Variants in THSD7B observed in about 807,000 individuals in gnomAD.
The protein encoded by THSD7B is thrombospondin type 1 domain containing 7B, also known as thrombospondin type-1 domain-containing protein 7B.
THSD7B carries 138 observed loss-of-function variants against 213.6 expected under a neutral mutation model. The observed-to-expected ratio is 0.65, with a 90% CI of 0.56 to 0.74. THSD7B has a LOEUF of 0.74. Ranked by LOEUF, THSD7B falls within the 30% of genes least tolerant of loss-of-function variation. The pLI, the probability that THSD7B is intolerant of heterozygous loss-of-function variation, is 0.00. For missense variants in THSD7B, 1,931 were observed against 1,991.5 expected (o/e 0.97, Z 0.58); for synonymous variants, 742 against 687.0 (o/e 1.08, Z -1.25).
chr2:137,096,459 G>A (rs1688041759), intron 4 of THSD7B, among the ~76,000 whole-genome samples: 1 of 152,100 alleles, frequency 6.6e-6, no homozygotes, highest in Admixed American at 6.6e-5. Context: ...CCACTTCCCA[G>A]TTGGAACTAG....
chr2:137,115,266 G>C lies in THSD7B; in HGVS notation c.1342G>C (p.Ala448Pro). ...GGTGTACTGTGCCCAGAGCGTACCA[G>C]CAGCTGCCGCACTGAGGGCCAAGGA... ...REVYCAQSVP[A>P]AAALRAKEVS... Residue 448 changes from alanine to proline, a missense_variant, in exon 5 of 28, where the codon GCA becomes CCA. Coordinates refer to ENST00000409968, the MANE Select transcript of THSD7B (RefSeq NM_001316349.2). The C allele has an allele frequency of 6.3e-7, 1 of 1,597,366 alleles. No homozygotes were observed. The highest frequency in any genetic ancestry group is 8.5e-7 in the Non-Finnish European group (1 of 1,172,392).
At chr2:137,221,876 T>C (rs1368558917) in intron 7 of THSD7B, among the ~76,000 whole-genome samples, 1 of 152,228 alleles carries the variant, frequency 6.6e-6, no homozygotes, top group Non-Finnish European at 1.5e-5. Flanking sequence ...AAGAAACTTC[T>C]AGATAATTTG....
At chr2:137,386,994 T>G (rs945276789) in intron 12 of THSD7B, among the ~76,000 whole-genome samples, 2 of 152,222 alleles carry the variant, frequency 1.3e-5, no homozygotes, top group African/African-American at 4.8e-5. Flanking sequence ...TTCTTTTTCA[T>G]GCTGCTAGAA....
intron 7 of THSD7B, among the ~76,000 whole-genome samples, chr2:137,222,931 C>G (rs1342612463): frequency 6.6e-6 from 1 of 152,160 alleles, no homozygotes; most frequent in African/African-American, 2.4e-5. Context: ...AGTCCCTGGC[C>G]TCTCTCATTC....
chr2:136,766,609 A>T (rs980075201), intron 1 of THSD7B, among the ~76,000 whole-genome samples: 4 of 152,214 alleles, frequency 2.6e-5, no homozygotes, highest in Non-Finnish European at 4.4e-5. Context: ...CTCTCACTCT[A>T]TCCCTTTTTA....
At chr2:137,611,054 C>T (rs1025060808) in intron 17 of THSD7B, among the ~76,000 whole-genome samples, 3 of 148,744 alleles carry the variant, frequency 2.0e-5, no homozygotes, top group East Asian at 2.0e-4. Context: ...TATAGCAAAA[C>T]GCACAAAAAA....
chr2:137,622,545 T>C (rs955498020), intron 20 of THSD7B, among the ~76,000 whole-genome samples: 2 of 152,076 alleles, frequency 1.3e-5, no homozygotes, highest in Admixed American at 6.6e-5. Context: ...CAGGAGCTTG[T>C]TTTTTGAAAA....
chr2:137,594,025 A>T (rs1222304665), intron 17 of THSD7B, among the ~76,000 whole-genome samples: 3 of 151,998 alleles, frequency 2.0e-5, no homozygotes, highest in Non-Finnish European at 4.4e-5. Context: ...TGATTTATTA[A>T]GGAAGTGTTA....
intron 15 of THSD7B, among the ~76,000 whole-genome samples, chr2:137,489,282 G>A (rs769225857): frequency 4.6e-5 from 7 of 151,824 alleles, no homozygotes; most frequent in East Asian, 1.9e-4. Context: ...AAAATTAGCC[G>A]GGCGTGGTGG....
intron 3 of THSD7B, among the ~76,000 whole-genome samples, chr2:137,091,504 T>G (rs1482576316): frequency 6.6e-6 from 1 of 151,644 alleles, no homozygotes; most frequent in Non-Finnish European, 1.5e-5. Context: ...TTATTTTATT[T>G]TATTTTATTT....
At chr2:137,001,657 A>G (rs934311251) in intron 2 of THSD7B, among the ~76,000 whole-genome samples, 10 of 152,270 alleles carry the variant, frequency 6.6e-5, no homozygotes, top group African/African-American at 2.4e-4. Context: ...GGCCTGATGC[A>G]ATGACCATGA....
intron 17 of THSD7B, among the ~76,000 whole-genome samples, chr2:137,590,792 G>GTTTTTTTTTTTTTTTTTTTTTTTTT (rs1215185747): frequency 9.0e-5 from 8 of 88,716 alleles, no homozygotes; most frequent in Admixed American, 1.3e-4. Context: ...CTTTGAAATA[G>GTTTTTTTTTTTTTTTTTTTTTTTTT]TTTTTTTTTT....
At chr2:137,636,520 T>A (rs1407626352) in intron 20 of THSD7B, among the ~76,000 whole-genome samples, 3 of 152,244 alleles carry the variant, frequency 2.0e-5, no homozygotes, top group Non-Finnish European at 4.4e-5. Context: ...CTAGTGGATA[T>A]TAGATAAAAT....
chr2:137,318,036 A>G (rs1039231596), intron 12 of THSD7B, among the ~76,000 whole-genome samples: 2 of 152,196 alleles, frequency 1.3e-5, no homozygotes, highest in African/African-American at 4.8e-5. Flanking sequence ...TTACAGTTAC[A>G]TCTGTAAACC....
chr2:137,434,446 T>C (rs1687250584), intron 14 of THSD7B, among the ~76,000 whole-genome samples: 3 of 152,158 alleles, frequency 2.0e-5, no homozygotes, highest in Non-Finnish European at 2.9e-5. Flanking sequence ...CTAACATAGG[T>C]TTGTGTTAAC....
At chr2:137,478,176 G>A (rs13398368) in intron 15 of THSD7B, among the ~76,000 whole-genome samples, 4,740 of 152,028 alleles carry the variant, frequency 0.031, 207 homozygotes, top group African/African-American at 0.096. Flanking sequence ...TGTTAAATAG[G>A]TTTTCTATCC....
Position 137,405,560 on chromosome 2 carries a change from C to A in THSD7B, c.2501-53C>A, listed in dbSNP as rs748839024. The stretch of plus-strand genomic sequence containing the variant: ...TTCTGCTGTCTTGTCAAAGAACCAG[C>A]AGCTGACTGATTTAATCAAAATAAT... On this transcript the variant is annotated intron_variant, in intron 12 of 27. Coordinates refer to ENST00000409968, the MANE Select transcript of THSD7B (RefSeq NM_001316349.2). The A allele has an allele frequency of 2.6e-4, 392 of 1,501,956 alleles. 1 individual carries two copies. The highest frequency in any genetic ancestry group is 3.3e-4 in the Non-Finnish European group (368 of 1,118,824). 93.0% of individuals were successfully genotyped at this position (1,501,956 alleles called of 1,614,324 possible).
chr2:137,396,649 T>A (rs372005588), intron 12 of THSD7B, among the ~76,000 whole-genome samples: 4 of 118,554 alleles, frequency 3.4e-5, no homozygotes, highest in Admixed American at 1.6e-4. Context: ...TGTTGATTTG[T>A]GGTGGAGAGT....
intron 7 of THSD7B, among the ~76,000 whole-genome samples, chr2:137,223,838 G>A (rs947063113): frequency 2.0e-5 from 3 of 152,034 alleles, no homozygotes; most frequent in African/African-American, 7.2e-5. Flanking sequence ...TATTCCCCTT[G>A]CTCTTCTCTT....
Sources: gnomAD v4.1 joint callset for allele counts (sites outside exome capture counted in the v4.1 genomes callset) on GRCh38, gnomAD v4.1.1 for gene constraint, MANE v1.5 for transcripts, NCBI Gene and HGNC (gene_info 2026-07-23, HGNC 2026-07-21) for gene names.